PCDH15: variants seen among roughly 807,000 people sequenced by gnomAD.
PCDH15 encodes protocadherin related 15.
Under a neutral mutation model 178.5 loss-of-function variants are expected in PCDH15, and 129 were observed. That is an observed-to-expected ratio of 0.72 (90% CI 0.63 to 0.84). PCDH15 has a LOEUF of 0.84. Ranked by LOEUF, PCDH15 falls within the 40% of genes least tolerant of loss-of-function variation. PCDH15 has a pLI of 0.00. For synonymous variants in PCDH15, 800 were observed against 732.0 expected, an observed-to-expected ratio of 1.09 and a Z score of -1.50; for missense variants, 2,230 against 2,099.9, an observed-to-expected ratio of 1.06 and a Z score of -1.21.
intron 2 of PCDH15, among the ~76,000 whole-genome samples, chr10:55,077,735 C>T (rs966940370): frequency 1.2e-4 from 18 of 152,008 alleles, no homozygotes; most frequent in African/African-American, 4.1e-4. Flanking sequence ...TTAGTGGAGA[C>T]GCGGATTCAC....
At chr10:54,102,171 C>A (rs543971873) in intron 15 of PCDH15, among the ~76,000 whole-genome samples, 1 of 152,264 alleles carries the variant, frequency 6.6e-6, no homozygotes. Flanking sequence ...AAAACCTATT[C>A]AGCACAGCAT....
intron 1 of PCDH15, among the ~76,000 whole-genome samples, chr10:55,257,670 A>G (rs1842035468): frequency 6.6e-6 from 1 of 152,194 alleles, no homozygotes; most frequent in South Asian, 2.1e-4. Flanking sequence ...AGAACTTTAG[A>G]GAAAAAAGAA....
intron 2 of PCDH15, among the ~76,000 whole-genome samples, chr10:54,529,314 T>A (rs2083678627): frequency 6.6e-6 from 1 of 152,066 alleles, no homozygotes; most frequent in African/African-American, 2.4e-5. Context: ...TATGCCCTCC[T>A]ACAGAGCCCA....
At chr10:55,437,537 A>C (rs1839070855) in intron 2 of PCDH15, among the ~76,000 whole-genome samples, 1 of 152,190 alleles carries the variant, frequency 6.6e-6, no homozygotes, top group Non-Finnish European at 1.5e-5. Context: ...ATAAAGAAAA[A>C]ATGGCCCTAT....
At chr10:54,026,455 A>G (rs1437541308) in intron 18 of PCDH15, among the ~76,000 whole-genome samples, 1 of 152,188 alleles carries the variant, frequency 6.6e-6, no homozygotes, top group Non-Finnish European at 1.5e-5. Flanking sequence ...CCTCACCAAT[A>G]GAGTTTCAGA....
intron 8 of PCDH15, among the ~76,000 whole-genome samples, chr10:54,258,804 T>C (rs1564807330): frequency 1.3e-5 from 2 of 152,146 alleles, no homozygotes; most frequent in African/African-American, 2.4e-5. Flanking sequence ...AAAATCTCAT[T>C]TGCAAATAAT....
At chr10:54,537,294 C>T (rs191725974) in intron 2 of PCDH15, among the ~76,000 whole-genome samples, 6 of 152,134 alleles carry the variant, frequency 3.9e-5, no homozygotes, top group Non-Finnish European at 5.9e-5. Flanking sequence ...CCAACGCGAC[C>T]GGCCGCAATT....
intron 17 of PCDH15, among the ~76,000 whole-genome samples, chr10:54,074,289 A>G (rs1016754507): frequency 3.9e-5 from 6 of 152,176 alleles, no homozygotes; most frequent in African/African-American, 1.4e-4. Context: ...ATCCATCTCT[A>G]AAACTCTTTT....
rs374465812 is a variant in PCDH15, at chr10:53,991,048, C to A, written c.2868+4601G>T. On this transcript the variant is annotated intron_variant, in intron 21 of 37. Transcript: ENST00000644397. The stretch of plus-strand genomic sequence containing the variant: ...TCGCCAGGCCTCAGCCACCTCCCCA[C>A]GGGGCAGGGCTTGGGACCTGCAGCC... Among the ~76,000 whole-genome samples, 1,024 of 152,258 alleles carry A rather than the reference C, an allele frequency of 6.7e-3. 12 individuals carry two copies. The highest frequency in any genetic ancestry group is 0.024 in the African/African-American group (979 of 41,536).
chr10:54,135,472 A>G (rs1448513807), intron 14 of PCDH15, among the ~76,000 whole-genome samples: 1 of 152,304 alleles, frequency 6.6e-6, no homozygotes, highest in East Asian at 1.9e-4. Flanking sequence ...TGTATTGTAT[A>G]CTGCAAAGAT....
At chr10:54,432,409 C>T (rs568316800) in intron 3 of PCDH15, among the ~76,000 whole-genome samples, 1 of 151,994 alleles carries the variant, frequency 6.6e-6, no homozygotes, top group African/African-American at 2.4e-5. Context: ...GAATAGAGAA[C>T]CCAGAAACAA....
intron 16 of PCDH15, among the ~76,000 whole-genome samples, chr10:54,086,987 A>G (rs2094526203): frequency 6.6e-6 from 1 of 152,182 alleles, no homozygotes. Context: ...GCATTTAGAT[A>G]ATTTATTTGG....
chr10:55,128,628 C>T (rs774904073), intron 2 of PCDH15, among the ~76,000 whole-genome samples: 9 of 152,026 alleles, frequency 5.9e-5, no homozygotes, highest in African/African-American at 2.2e-4. Context: ...GGCAAATCTC[C>T]TGACTGTCAT....
At position 54,185,076 on chromosome 10, in the gene PCDH15, C is replaced by A; in HGVS notation, c.1440+58G>T. On this transcript the variant is annotated intron_variant, in intron 12 of 37. Coordinates refer to ENST00000644397, the MANE Select transcript of PCDH15 (RefSeq NM_001384140.1). ...ACCAGACATCTCTTTCAGTTCCATA[C>A]AAACATACATACATACATTCATACA... 4 of 1,586,078 alleles carry A rather than the reference C, an allele frequency of 2.5e-6. No individual in the cohort carries two copies. The Admixed American group carries it at 5.0e-5, about 20-fold the overall frequency.
chr10:54,881,557 T>C (rs140118144), intron 3 of PCDH15, among the ~76,000 whole-genome samples: 329 of 152,236 alleles, frequency 2.2e-3, no homozygotes, highest in Non-Finnish European at 2.9e-3. Context: ...TTCTATATGT[T>C]GCCTCCTAAA....
At chr10:55,200,635 A>G (rs1024732195) in intron 1 of PCDH15, among the ~76,000 whole-genome samples, 1 of 152,066 alleles carries the variant, frequency 6.6e-6, no homozygotes, top group African/African-American at 2.4e-5. Flanking sequence ...ACAGAATGAT[A>G]TGGTTTGACT....
At position 55,514,987 on chromosome 10, in the gene PCDH15, A is replaced by ATAGATT. The variant is rs1554879756; in HGVS notation, c.-156+112637_-156+112638insAATCTA. Among the ~76,000 whole-genome samples the ATAGATT allele has an allele frequency of 4.2e-3, 501 of 120,232 alleles. 15 individuals are homozygous for ATAGATT. In the East Asian group the frequency reaches 0.052, roughly 12 times the overall value. 78.9% of individuals were successfully genotyped at this position (120,232 alleles called of 152,430 possible). A position where few individuals can be genotyped will look rare whatever the true frequency, so the allele number is the denominator to read the frequency against. The stretch of plus-strand genomic sequence containing the variant: ...TATATATAGATAGATAGATAGATAG[A>ATAGATT]TTTTTTTTTTTTTTTTTTTTGAGAT... On this transcript the variant is annotated intron_variant, in intron 2 of 5. Coordinates refer to the PCDH15 transcript ENST00000613346.
At chr10:55,339,289 T>TTAA (rs916058612) in intron 2 of PCDH15, among the ~76,000 whole-genome samples, 10 of 109,842 alleles carry the variant, frequency 9.1e-5, no homozygotes, top group African/African-American at 2.8e-4. Context: ...ACCATAACAA[T>TTAA]TAACAACAAC....
intron 1 of PCDH15, among the ~76,000 whole-genome samples, chr10:55,286,559 C>T (rs1842875677): frequency 6.6e-6 from 1 of 151,342 alleles, no homozygotes; most frequent in Non-Finnish European, 1.5e-5. Flanking sequence ...TTATTGAATG[C>T]CACCTATGTT....
Sources: allele counts gnomAD v4.1 joint callset (sites outside exome capture counted in the v4.1 genomes callset), GRCh38; gene constraint gnomAD v4.1.1; transcripts MANE v1.5; gene names NCBI Gene and HGNC (gene_info 2026-07-23, HGNC 2026-07-21).